Variants in COA8 observed in about 807,000 individuals in gnomAD.
COA8 encodes the protein cytochrome c oxidase assembly factor 8, also known as UPF0671 protein C14orf153.
COA8 carries 20 observed loss-of-function variants against 22.0 expected under a neutral mutation model. That is an observed-to-expected ratio of 0.91 (90% CI 0.64 to 1.32). COA8 has a LOEUF of 1.32. Ranked by LOEUF, COA8 falls within the 40% of genes most tolerant of loss-of-function variation. The pLI is 0.00. For synonymous variants in COA8, 105 were observed against 79.9 expected, an observed-to-expected ratio of 1.31 and a Z score of -1.68; for missense variants, 266 against 230.0, an observed-to-expected ratio of 1.16 and a Z score of -1.01.
intron 1 of COA8, among the ~76,000 whole-genome samples, chr14:103,568,788 C>A (rs576672244): frequency 1.7e-3 from 254 of 152,072 alleles, no homozygotes; most frequent in African/African-American, 5.7e-3. Flanking sequence ...CACCACCACG[C>A]CCAGCTTATT....
At chr14:103,576,303 C>G in intron 3 of COA8, among the ~76,000 whole-genome samples, 1 of 151,172 alleles carries the variant, frequency 6.6e-6, no homozygotes, top group South Asian at 2.1e-4. Context: ...GAGACTCTGT[C>G]TCAAAAAAAT....
chr14:103,586,406 T>C (rs760728872), intron 3 of COA8, among the ~76,000 whole-genome samples: 1 of 150,728 alleles, frequency 6.6e-6, no homozygotes, highest in Non-Finnish European at 1.5e-5. Flanking sequence ...TGAGGTCTTA[T>C]TATGTTGCCC....
intron 3 of COA8, chr14:103,579,223 G>C (rs1330337129): frequency 6.2e-6 from 1 of 160,010 alleles, no homozygotes; most frequent in Non-Finnish European, 1.4e-5. Context: ...CTAGTACCAA[G>C]CCCTGTATGT....
rs747233377 is a variant in COA8 at position 103,563,093 on chromosome 14, G to A, written c.92G>A (p.Gly31Asp). The part of the protein sequence containing the change: ...CRGCQLAPER[G>D]AERRDTAPSG... ...GGCTGTCAACTCGCTCCGGAGCGCG[G>A]CGCCGAGCGCAGGGATACGGCGCCC... Residue 31 changes from glycine (G) to aspartate (D), a missense_variant, in exon 1 of 5, where the codon GGC (glycine) becomes GAC (aspartate). By Grantham distance (94) the Gly-to-Asp change is moderately conservative. Transcript: ENST00000409074. 34 of 1,539,704 alleles carry A rather than the reference G, an allele frequency of 2.2e-5. No individual in the cohort carries two copies. The highest frequency in any genetic ancestry group is 2.9e-5 in the Non-Finnish European group (33 of 1,147,702).
At chr14:103,590,153 C>T (rs760628045) in intron 4 of COA8, 28 bp from the exon 5 acceptor site, 1 of 1,597,368 alleles carries the variant, frequency 6.3e-7, no homozygotes, top group Non-Finnish European at 8.6e-7. Flanking sequence ...GCCACCGTGT[C>T]ACCTGTGCAT....
chr14:103,586,298 C>T (rs1258275464), intron 3 of COA8, among the ~76,000 whole-genome samples: 1 of 147,956 alleles, frequency 6.8e-6, no homozygotes, highest in Non-Finnish European at 1.5e-5. Context: ...ACCTTGAACT[C>T]CTGGGCTCAG....
In COA8 at chr14:103,590,247, G is replaced by C; in HGVS notation, c.543G>C (p.Trp181Cys). ...FMGKVALERI[W>C]NKLKQKQKKR... ...GAAAAGTGGCCCTGGAAAGGATTTG[G>C]AACAAGCTTAAACAGAAACAAAAGA... Residue 181 changes from tryptophan to cysteine, a missense_variant, in exon 5 of 5, where the codon TGG (tryptophan) becomes TGC (cysteine). Trp to Cys is a radical substitution (Grantham distance 215). Transcript: ENST00000409074. The C allele has an allele frequency of 6.2e-7, 1 of 1,614,078 alleles. No individual in the cohort carries two copies.
At chr14:103,577,899 C>T (rs2076240604) in intron 3 of COA8, among the ~76,000 whole-genome samples, 1 of 151,866 alleles carries the variant, frequency 6.6e-6, no homozygotes, top group African/African-American at 2.4e-5. Context: ...TGATGCATGC[C>T]TGTAATCCCA....
intron 1 of COA8, among the ~76,000 whole-genome samples, chr14:103,564,368 C>G (rs755202455): frequency 1.4e-4 from 21 of 151,998 alleles, no homozygotes; most frequent in Non-Finnish European, 2.4e-4. Flanking sequence ...CCTTCTATCC[C>G]TAGAACATAG....
chr14:103,569,101 G>A (rs540138664), intron 1 of COA8, among the ~76,000 whole-genome samples: 2 of 152,254 alleles, frequency 1.3e-5, no homozygotes, highest in South Asian at 4.2e-4. Context: ...GCAGACATGA[G>A]GGCCGGATGG....
Position 103,581,791 on chromosome 14 carries a change from G to A in COA8, c.386-5483G>A, listed in dbSNP as rs1047131091. The A allele has an allele frequency of 2.5e-5, 10 of 393,528 alleles. No individual in the cohort carries two copies. The highest frequency in any genetic ancestry group is 4.4e-5 in the Admixed American group (1 of 22,528). 24.4% of individuals were successfully genotyped at this position (393,528 alleles called of 1,614,324 possible). ...CATTCCGGTGGCACTAGACCTGCCC[G>A]GGCGGCCAGAGGACACGTGGCTCCT... On this transcript the variant is annotated intron_variant, in intron 3 of 4. Coordinates refer to ENST00000409074, the MANE Select transcript of COA8 (RefSeq NM_001370595.2). The surrounding 1 kb of genome is among the most constrained non-coding windows in gnomAD (Gnocchi z 4.1).
intron 3 of COA8, among the ~76,000 whole-genome samples, chr14:103,585,920 G>A (rs1227245341): frequency 6.7e-6 from 1 of 150,218 alleles, no homozygotes; most frequent in Non-Finnish European, 1.5e-5. Flanking sequence ...TGTTTTTGGA[G>A]ACGGAGTTTC....
Position 103,571,801 on chromosome 14 carries a change from A to G in COA8, c.302A>G (p.Gln101Arg). Residue 101 changes from glutamine (Q) to arginine (R), a missense_variant, in exon 2 of 5, where the codon CAG (glutamine) becomes CGG (arginine). By Grantham distance (43) the Gln-to-Arg change is conservative. Coordinates refer to ENST00000409074, the MANE Select transcript of COA8 (RefSeq NM_001370595.2). ...TGGAATCAACAGTTCTGGGCAAACC[A>G]GAATTTGACTTTTAGTAAGGTAAGT... ...QEWNQQFWANQNLTFSKEKEE... is the reference protein window; with the variant it reads ...QEWNQQFWANRNLTFSKEKEE... 4 of 1,613,952 alleles carry G rather than the reference A, an allele frequency of 2.5e-6. No individual in the cohort carries two copies. Among genetic ancestry groups the G allele is most frequent in the Non-Finnish European group, 3.4e-6 (4 of 1,179,968 alleles).
In COA8 at chr14:103,574,176, T is replaced by C. The variant is rs749643552; in HGVS notation, c.385+6T>C. ...GGGCCTGAGAACTGAATCAGGTTAG[T>C]GTGTTTGTTTGATTGTTTTTTTTGC... On this transcript the variant is annotated splice_donor_region_variant and intron_variant, in intron 3 of 4. Coordinates refer to ENST00000409074, the MANE Select transcript of COA8 (RefSeq NM_001370595.2). 1.9e-6 allele frequency: 3 copies of C among 1,600,798 alleles called. No homozygotes were observed. Among genetic ancestry groups the C allele is most frequent in the East Asian group, 4.5e-5 (2 of 44,036 alleles).
In COA8 at chr14:103,571,856, G is replaced by A. The variant is rs768595702; in HGVS notation, c.321+36G>A. The stretch of plus-strand genomic sequence containing the variant: ...GTTTTAGATCAGAACGGAAGGGTGC[G>A]GTGGCTCACGCCTGTAATCCCAGCA... On this transcript the variant is annotated intron_variant, in intron 2 of 4. Coordinates refer to ENST00000409074, the MANE Select transcript of COA8 (RefSeq NM_001370595.2). The A allele has an allele frequency of 1.3e-5, 21 of 1,577,418 alleles. No homozygotes were observed. In the South Asian group the frequency reaches 1.9e-4, roughly 14 times the overall value.
rs770937212 is a variant in COA8 at position 103,563,315 on chromosome 14, G to A, written c.123+191G>A. On this transcript the variant is annotated intron_variant, in intron 1 of 4. Transcript: ENST00000409074. ...CGCCCTCAGTCGGATGGGACTGAGG[G>A]TGCCGCCGCCACCACGCCGGGGACT... The A allele has an allele frequency of 1.1e-5, 9 of 791,808 alleles. No homozygotes were observed. In the South Asian group the frequency reaches 1.3e-4, roughly 12 times the overall value. 49.0% of individuals were successfully genotyped at this position (791,808 alleles called of 1,614,324 possible).
intron 3 of COA8, among the ~76,000 whole-genome samples, chr14:103,582,793 C>T (rs2076278414): frequency 7.4e-6 from 1 of 134,572 alleles, no homozygotes; most frequent in Admixed American, 7.9e-5. Flanking sequence ...TAAATTCACC[C>T]TTTTAAACTG....
chr14:103,585,393 T>C (rs2076298445), intron 3 of COA8, among the ~76,000 whole-genome samples: 1 of 149,152 alleles, frequency 6.7e-6, no homozygotes. Flanking sequence ...GCAGGAGAAT[T>C]GCTTGAACCT....
At chr14:103,585,930 C>T (rs1252294344) in intron 3 of COA8, among the ~76,000 whole-genome samples, 15 of 149,844 alleles carry the variant, frequency 1.0e-4, no homozygotes, top group African/African-American at 3.2e-4. Flanking sequence ...GACGGAGTTT[C>T]GCTGTTGTTG....
Sources: gnomAD v4.1 joint callset for allele counts (sites outside exome capture counted in the v4.1 genomes callset) on GRCh38, gnomAD v4.1.1 for gene constraint, Gnocchi (gnomAD v3.1) non-coding constraint, MANE v1.5 for transcripts, NCBI Gene and HGNC (gene_info 2026-07-23, HGNC 2026-07-21) for gene names.